NBAS: variants seen among roughly 807,000 people sequenced by gnomAD.
NBAS encodes the protein NBAS subunit of NRZ tethering complex, also known as NAG/BC035112 fusion.
In NBAS, 219 loss-of-function variants were observed where a neutral mutation model predicts 302.5. That is an observed-to-expected ratio of 0.72 (90% CI 0.65 to 0.81). The LOEUF is 0.81. Ranked by LOEUF, NBAS falls within the 30% of genes least tolerant of loss-of-function variation. The pLI is 0.00. For missense variants in NBAS, 2,932 were observed against 2,841.6 expected, an observed-to-expected ratio of 1.03 and a Z score of -0.72; for synonymous variants, 1,118 against 1,021.6, an observed-to-expected ratio of 1.09 and a Z score of -1.80.
intron 32 of NBAS, among the ~76,000 whole-genome samples, chr2:15,358,344 A>C (rs1472986260): frequency 6.6e-6 from 1 of 151,876 alleles, no homozygotes; most frequent in Non-Finnish European, 1.5e-5. Flanking sequence ...TTGAGCCCAA[A>C]CCCTAAAATA....
chr2:15,505,368 A>G (rs1021654424), intron 10 of NBAS, among the ~76,000 whole-genome samples: 9 of 152,196 alleles, frequency 5.9e-5, no homozygotes, highest in African/African-American at 1.7e-4. Context: ...GCCTACAGGG[A>G]AGGGACCTAA....
intron 41 of NBAS, among the ~76,000 whole-genome samples, chr2:15,291,573 A>G (rs187286605): frequency 3.9e-4 from 60 of 152,318 alleles, no homozygotes; most frequent in African/African-American, 1.4e-3. Context: ...GGAATTCCAC[A>G]TTGAGAAACC....
chr2:15,232,192 T>C (rs1306449843), intron 47 of NBAS, among the ~76,000 whole-genome samples: 1 of 152,136 alleles, frequency 6.6e-6, no homozygotes, highest in Non-Finnish European at 1.5e-5. Flanking sequence ...TTATTTCTAA[T>C]GGCTTTCAAG....
At chr2:14,935,691 T>C in the NBAS span, among the ~76,000 whole-genome samples, 1 of 152,172 alleles carries the variant, frequency 6.6e-6, no homozygotes, top group African/African-American at 2.4e-5. Context: ...ACCAGCCCAT[T>C]TGCTGGAAAT....
chr2:14,801,323 C>T, the NBAS span, among the ~76,000 whole-genome samples: 1 of 152,034 alleles, frequency 6.6e-6, no homozygotes, highest in Non-Finnish European at 1.5e-5. Flanking sequence ...TATTAGGTTG[C>T]TTGAAATTGC....
At chr2:14,861,285 C>T in the NBAS span, among the ~76,000 whole-genome samples, 153 of 152,246 alleles carry the variant, frequency 1.0e-3, 2 homozygotes, top group South Asian at 8.5e-3. Flanking sequence ...CAACAAAATA[C>T]GTGTTTTGTT....
At chr2:15,326,526 T>C (rs1341234219) in intron 38 of NBAS, among the ~76,000 whole-genome samples, 1 of 152,102 alleles carries the variant, frequency 6.6e-6, no homozygotes, top group Non-Finnish European at 1.5e-5. Context: ...CATGAGCAAC[T>C]GATGTAAGAC....
chr2:14,862,104 T>C, the NBAS span, among the ~76,000 whole-genome samples: 1 of 152,024 alleles, frequency 6.6e-6, no homozygotes, highest in Non-Finnish European at 1.5e-5. Context: ...TTTTCAACCA[T>C]TCCTGGCATT....
chr2:15,459,381 T>C (rs1679398375), intron 21 of NBAS, among the ~76,000 whole-genome samples: 2 of 152,230 alleles, frequency 1.3e-5, no homozygotes, highest in Middle Eastern at 3.2e-3. Context: ...TAGAGAACCA[T>C]TGATCTAATT....
chr2:15,167,034 GCCAC>G lies in NBAS; in HGVS notation c.*10_*13del. ...GATGCTTTTTCTGCTAAGGAGCAGG[GCCAC>G]AGGTGGCCCTCACACCCAGTGCTGT... On this transcript the variant is annotated 3_prime_UTR_variant, in exon 52 of 52. Coordinates refer to ENST00000281513, the MANE Select transcript of NBAS (RefSeq NM_015909.4). 1 of 1,529,090 alleles carries G rather than the reference GCCAC, an allele frequency of 6.5e-7. No individual in the cohort carries two copies. The allele number at this position is 1,529,090 out of a possible 1,614,324, so 94.7% of individuals were successfully genotyped here.
chr2:14,869,952 T>C, the NBAS span, among the ~76,000 whole-genome samples: 1 of 152,170 alleles, frequency 6.6e-6, no homozygotes, highest in Non-Finnish European at 1.5e-5. Context: ...TAACTTAAAT[T>C]AGAATGAGGC....
intron 48 of NBAS, among the ~76,000 whole-genome samples, chr2:15,196,624 A>C (rs1382737123): frequency 6.6e-6 from 1 of 152,248 alleles, no homozygotes; most frequent in Non-Finnish European, 1.5e-5. Flanking sequence ...AAGATGAATA[A>C]GCAGAATACA....
In NBAS at chr2:15,364,945, A is replaced by G. The variant is rs77235044; in HGVS notation, c.3817+1635T>C. Among the ~76,000 whole-genome samples the G allele has an allele frequency of 5.0e-3, 762 of 152,284 alleles. 9 individuals are homozygous for G. The highest frequency in any genetic ancestry group is 0.017 in the African/African-American group (705 of 41,556). On this transcript the variant is annotated intron_variant, in intron 32 of 51. Coordinates refer to ENST00000281513, the MANE Select transcript of NBAS (RefSeq NM_015909.4). ...GTTCGTAAAGCAGTAACAGATAACC[A>G]AAACACTCTATAAGGTAAAGGCCAC...
chr2:15,034,653 A>G, the NBAS span, among the ~76,000 whole-genome samples: 1 of 152,206 alleles, frequency 6.6e-6, no homozygotes, highest in South Asian at 2.1e-4. Context: ...TAATCAGAGT[A>G]TGAACTCTTA....
the NBAS span, among the ~76,000 whole-genome samples, chr2:15,078,567 C>T: frequency 7.0e-4 from 107 of 152,306 alleles, no homozygotes; most frequent in East Asian, 0.018. Flanking sequence ...AGCACAAAGA[C>T]GACTTTGATC....
At chr2:15,480,865 C>A (rs1043323987) in intron 12 of NBAS, among the ~76,000 whole-genome samples, 16 of 152,036 alleles carry the variant, frequency 1.1e-4, no homozygotes, top group Non-Finnish European at 2.4e-4. Context: ...TTTAAATGAA[C>A]AATTCAGGGG....
chr2:14,803,029 T>TA, the NBAS span, among the ~76,000 whole-genome samples: 2 of 151,800 alleles, frequency 1.3e-5, no homozygotes, highest in African/African-American at 2.4e-5. Flanking sequence ...CCCTAAAACT[T>TA]AAAGTATAAT....
Position 15,327,935 on chromosome 2 carries a change from A to G in NBAS, c.4462-65T>C, listed in dbSNP as rs1672150926. ...TTTTGTCCTACAAACATATGCTTAG[A>G]AAACAATTATAGGATGTTATGTTTT... On this transcript the variant is annotated intron_variant, in intron 37 of 51. Coordinates refer to ENST00000281513, the MANE Select transcript of NBAS (RefSeq NM_015909.4). The G allele has an allele frequency of 3.8e-6, 6 of 1,591,468 alleles. No individual in the cohort carries two copies. In the Admixed American group the frequency reaches 1.0e-4, roughly 27 times the overall value.
At chr2:15,057,262 A>G in the NBAS span, among the ~76,000 whole-genome samples, 13 of 151,452 alleles carry the variant, frequency 8.6e-5, no homozygotes, top group Non-Finnish European at 1.6e-4. Flanking sequence ...GTTCTCAGCA[A>G]TAACAATTGT....
Sources: gnomAD v4.1 joint callset for allele counts (sites outside exome capture counted in the v4.1 genomes callset) on GRCh38, gnomAD v4.1.1 for gene constraint, MANE v1.5 for transcripts, NCBI Gene and HGNC (gene_info 2026-07-23, HGNC 2026-07-21) for gene names.